Variants in SCAPER observed in about 807,000 individuals in gnomAD.
The protein encoded by SCAPER is S-phase cyclin A associated protein in the ER.
In SCAPER, 98 loss-of-function variants were observed where a neutral mutation model predicts 182.2. The ratio of observed to expected loss-of-function variants is 0.54; its 90% CI spans 0.46 to 0.64. SCAPER has a LOEUF of 0.64. Ranked by LOEUF, SCAPER falls within the 30% of genes least tolerant of loss-of-function variation. The probability of loss-of-function intolerance (pLI) is 0.00; values close to 1 mark genes in which losing one functional copy is unlikely to be tolerated. For missense variants in SCAPER, 1,432 were observed against 1,690.0 expected, an observed-to-expected ratio of 0.85 and a Z score of 2.68; for synonymous variants, 605 against 564.6, an observed-to-expected ratio of 1.07 and a Z score of -1.01.
chr15:76,522,145 C>T (rs1239863581), intron 23 of SCAPER, among the ~76,000 whole-genome samples: 3 of 152,068 alleles, frequency 2.0e-5, no homozygotes, highest in African/African-American at 7.2e-5. Context: ...TATTATTTCT[C>T]ATTTACATGG....
At chr15:76,558,507 T>TA (rs1335191451) in intron 23 of SCAPER, among the ~76,000 whole-genome samples, 1 of 152,142 alleles carries the variant, frequency 6.6e-6, no homozygotes, top group Non-Finnish European at 1.5e-5. Context: ...TGGCTATCAT[T>TA]AAAAAGTCAA....
At chr15:76,772,593 T>C (rs2063532127) in intron 9 of SCAPER, among the ~76,000 whole-genome samples, 1 of 152,010 alleles carries the variant, frequency 6.6e-6, no homozygotes, top group Admixed American at 6.5e-5. Flanking sequence ...TGTCTCATTA[T>C]GACATTCATA....
intron 15 of SCAPER, among the ~76,000 whole-genome samples, chr15:76,739,365 C>A (rs916262329): frequency 1.3e-5 from 2 of 152,176 alleles, no homozygotes; most frequent in Non-Finnish European, 2.9e-5. Context: ...AGAACTTTCA[C>A]GCTTTCATTT....
chr15:76,475,082 TAA>T (rs919955210), intron 24 of SCAPER, among the ~76,000 whole-genome samples: 1 of 152,338 alleles, frequency 6.6e-6, no homozygotes, highest in African/African-American at 2.4e-5. Flanking sequence ...CTATTTAATT[TAA>T]AAATAATGTG....
chr15:76,381,199 T>C (rs940959443), intron 28 of SCAPER, 179 bp downstream of exon 28: 15 of 344,754 alleles, frequency 4.4e-5, no homozygotes, highest in Admixed American at 2.2e-4. Flanking sequence ...CTAGATGTTA[T>C]AGAGCATCTA....
At chr15:76,846,508 A>C (rs2070105445) in intron 4 of SCAPER, among the ~76,000 whole-genome samples, 2 of 152,210 alleles carry the variant, frequency 1.3e-5, no homozygotes, top group South Asian at 4.1e-4. Flanking sequence ...AATAGGAAAA[A>C]ATCTCATAAA....
intron 22 of SCAPER, among the ~76,000 whole-genome samples, chr15:76,575,051 G>A (rs1303126918): frequency 6.6e-6 from 1 of 152,072 alleles, no homozygotes; most frequent in African/African-American, 2.4e-5. Flanking sequence ...TCTTGCAAAT[G>A]TCCTACATTT....
At chr15:76,838,749 G>C (rs575701941) in intron 5 of SCAPER, among the ~76,000 whole-genome samples, 1 of 152,292 alleles carries the variant, frequency 6.6e-6, no homozygotes, top group South Asian at 2.1e-4. Flanking sequence ...TTCCCAGCAT[G>C]TTTTCCCCCA....
chr15:76,629,173 T>C (rs1211979298), intron 21 of SCAPER, among the ~76,000 whole-genome samples: 2 of 152,180 alleles, frequency 1.3e-5, no homozygotes, highest in African/African-American at 4.8e-5. Flanking sequence ...GACAATGGGG[T>C]TTTCTAGATA....
At chr15:76,431,675 G>GAAAAAAAAAAAAA (rs1567126176) in intron 26 of SCAPER, among the ~76,000 whole-genome samples, 8 of 4,314 alleles carry the variant, frequency 1.9e-3, no homozygotes, top group Non-Finnish European at 2.5e-3. Flanking sequence ...AAAATGATTA[G>GAAAAAAAAAAAAA]CAAAAAAAAA....
chr15:76,713,418 G>A (rs1328275846), intron 17 of SCAPER, among the ~76,000 whole-genome samples: 1 of 151,694 alleles, frequency 6.6e-6, no homozygotes, highest in Admixed American at 6.6e-5. Context: ...AGAAAATGTG[G>A]CACATATACA....
intron 26 of SCAPER, among the ~76,000 whole-genome samples, chr15:76,419,569 A>T (rs550743527): frequency 6.6e-6 from 1 of 151,830 alleles, no homozygotes; most frequent in South Asian, 2.1e-4. Context: ...AAAAATACAA[A>T]ATTAGCCGGG....
chr15:76,722,124 T>C (rs2060284352), intron 17 of SCAPER, among the ~76,000 whole-genome samples: 1 of 152,228 alleles, frequency 6.6e-6, no homozygotes, highest in South Asian at 2.1e-4. Flanking sequence ...TTATTGAGAA[T>C]TTTTAGCATG....
intron 25 of SCAPER, among the ~76,000 whole-genome samples, chr15:76,464,594 C>T (rs1303420904): frequency 6.6e-6 from 1 of 152,150 alleles, no homozygotes; most frequent in Admixed American, 6.5e-5. Context: ...GCAGTTCAAA[C>T]TTGTAGTGTT....
intron 20 of SCAPER, among the ~76,000 whole-genome samples, chr15:76,694,214 C>T (rs1295615502): frequency 1.3e-5 from 2 of 151,988 alleles, no homozygotes; most frequent in Non-Finnish European, 2.9e-5. Context: ...TTAATTCTTC[C>T]AATCCATGAA....
chr15:76,651,878 A>G (rs2055081059), intron 21 of SCAPER, among the ~76,000 whole-genome samples: 1 of 151,972 alleles, frequency 6.6e-6, no homozygotes, highest in African/African-American at 2.4e-5. Flanking sequence ...ATCCTCAACA[A>G]AATACTAGCA....
At chr15:76,479,546 CA>C (rs1461018636) in intron 24 of SCAPER, among the ~76,000 whole-genome samples, 1 of 151,934 alleles carries the variant, frequency 6.6e-6, no homozygotes, top group African/African-American at 2.4e-5. Flanking sequence ...TGTTTCCTCT[CA>C]AAAAACAGAG....
chr15:76,753,711 TA>T, intron 15 of SCAPER, 96 bp downstream of exon 15: 1 of 1,365,800 alleles, frequency 7.3e-7, no homozygotes, highest in Non-Finnish European at 9.9e-7. Flanking sequence ...TACAACAGAA[TA>T]AACATTGGAT....
chr15:76,376,225 T>C lies in SCAPER; in HGVS notation c.3792A>G (p.Glu1264=). 6.2e-7 allele frequency: 1 copy of C among 1,613,976 alleles called. No homozygotes were observed. ...AGACGATGACCTCATGAAGGAGGCT[T>C]TCACAGGAGACTTGGCTGCAGTGGC... is the stretch of plus-strand genomic sequence containing the variant. ...LLGHCSQVSC[E]SLLHEVIVCV... Residue 1264 remains glutamate, a synonymous_variant, in exon 29 of 32, where the codon GAA becomes GAG. Transcript: ENST00000563290.
Sources: gnomAD v4.1 joint callset for allele counts (sites outside exome capture counted in the v4.1 genomes callset) on GRCh38, gnomAD v4.1.1 for gene constraint, MANE v1.5 for transcripts, NCBI Gene and HGNC (gene_info 2026-07-23, HGNC 2026-07-21) for gene names.